ROBO1: variants seen among roughly 807,000 people sequenced by gnomAD.
The protein encoded by ROBO1 is roundabout homolog 1.
Under a neutral mutation model 195.9 loss-of-function variants are expected in ROBO1, and 149 were observed. That is an observed-to-expected ratio of 0.76 (90% CI 0.67 to 0.87). The LOEUF (loss-of-function observed/expected upper bound fraction) is 0.87, where lower values mean the gene tolerates loss of function less well. Ranked by LOEUF, ROBO1 falls within the 40% of genes least tolerant of loss-of-function variation. The pLI is 0.00. For missense variants in ROBO1, 1,933 were observed against 2,068.3 expected (o/e 0.93, Z 1.27); for synonymous variants, 816 against 733.2 (o/e 1.11, Z -1.82).
intron 29 of ROBO1, 72 bp from the exon 30 acceptor site, chr3:78,600,381 T>G: frequency 2.1e-6 from 2 of 968,490 alleles, no homozygotes; most frequent in Non-Finnish European, 3.2e-6. Flanking sequence ...ATCACTCCTG[T>G]CTATCTGTAA....
intron 2 of ROBO1, among the ~76,000 whole-genome samples, chr3:79,579,945 T>G (rs760540474): frequency 6.6e-6 from 1 of 152,112 alleles, no homozygotes; most frequent in Non-Finnish European, 1.5e-5. Context: ...GTATTAGTGA[T>G]GCTATGCTTG....
intron 3 of ROBO1, among the ~76,000 whole-genome samples, chr3:79,043,672 C>T (rs2078531168): frequency 6.6e-6 from 1 of 152,016 alleles, no homozygotes; most frequent in African/African-American, 2.4e-5. Flanking sequence ...TATATTTCCA[C>T]ATCATTATGC....
chr3:78,643,938 C>T (rs931712081), intron 21 of ROBO1, among the ~76,000 whole-genome samples: 1 of 151,900 alleles, frequency 6.6e-6, no homozygotes, highest in African/African-American at 2.4e-5. Context: ...TACAGGAGGT[C>T]CAAGAGGATG....
chr3:78,685,022 T>C (rs1448876395), intron 10 of ROBO1, among the ~76,000 whole-genome samples: 3 of 152,144 alleles, frequency 2.0e-5, no homozygotes, highest in Admixed American at 1.3e-4. Context: ...CTTGCCACTG[T>C]CATGGCTTTG....
At chr3:79,535,078 T>C (rs1386142456) in intron 2 of ROBO1, among the ~76,000 whole-genome samples, 1 of 152,110 alleles carries the variant, frequency 6.6e-6, no homozygotes, top group African/African-American at 2.4e-5. Flanking sequence ...ATGCCTTATT[T>C]TTTTTTAGTT....
chr3:79,751,580 A>T (rs1292802842), intron 1 of ROBO1, among the ~76,000 whole-genome samples: 1 of 152,176 alleles, frequency 6.6e-6, no homozygotes, highest in African/African-American at 2.4e-5. Flanking sequence ...ATGTTTGTAT[A>T]TGGACTACTA....
intron 2 of ROBO1, among the ~76,000 whole-genome samples, chr3:79,284,831 A>G (rs2031783124): frequency 6.6e-6 from 1 of 152,172 alleles, no homozygotes; most frequent in Admixed American, 6.6e-5. Flanking sequence ...TTAATTCATA[A>G]ATCTTTACTT....
At chr3:79,124,457 T>C (rs1004914490) in intron 3 of ROBO1, among the ~76,000 whole-genome samples, 1 of 152,156 alleles carries the variant, frequency 6.6e-6, no homozygotes, top group Admixed American at 6.5e-5. Context: ...ATCAAGTCTA[T>C]TATTTTATCT....
chr3:79,456,585 T>A (rs986751202), intron 2 of ROBO1, among the ~76,000 whole-genome samples: 29 of 152,128 alleles, frequency 1.9e-4, no homozygotes, highest in African/African-American at 6.5e-4. Flanking sequence ...AGTACAGTGA[T>A]TACAAAAAAT....
intron 3 of ROBO1, among the ~76,000 whole-genome samples, chr3:79,008,720 C>T (rs2077688378): frequency 6.7e-6 from 1 of 150,046 alleles, no homozygotes; most frequent in Non-Finnish European, 1.5e-5. Flanking sequence ...TCCCAAGTAG[C>T]TGAGACTAAA....
chr3:79,206,113 C>G (rs1326034256), intron 2 of ROBO1, among the ~76,000 whole-genome samples: 1 of 152,148 alleles, frequency 6.6e-6, no homozygotes, highest in African/African-American at 2.4e-5. Context: ...ATGATGAGAT[C>G]TCATGCTGTC....
chr3:79,631,416 G>GA (rs760914622), intron 1 of ROBO1, among the ~76,000 whole-genome samples: 2 of 151,904 alleles, frequency 1.3e-5, no homozygotes, highest in Non-Finnish European at 2.9e-5. Flanking sequence ...ATTGTGCTGA[G>GA]AAAATTGGAT....
chr3:79,391,301 C>A (rs930762609), intron 2 of ROBO1, among the ~76,000 whole-genome samples: 2 of 151,862 alleles, frequency 1.3e-5, no homozygotes, highest in East Asian at 3.9e-4. Context: ...TCAAATAAAA[C>A]AAAAAACAAA....
intron 2 of ROBO1, among the ~76,000 whole-genome samples, chr3:79,191,126 A>T (rs1488337048): frequency 6.6e-6 from 1 of 151,566 alleles, no homozygotes; most frequent in Non-Finnish European, 1.5e-5. Flanking sequence ...TTTGAGTGTG[A>T]GGGGCAAGTC....
At chr3:79,484,755 C>CTTTTTGTTTTTTTTTTTTTTTTTTTTTT (rs1939062487) in intron 2 of ROBO1, among the ~76,000 whole-genome samples, 1 of 66,884 alleles carries the variant, frequency 1.5e-5, no homozygotes, top group East Asian at 4.6e-4. Flanking sequence ...ATTGCACTAT[C>CTTTTTGTTTTTTTTTTTTTTTTTTTTTT]TTTTTTTTTT....
At chr3:79,608,773 C>T (rs890365004) in intron 1 of ROBO1, among the ~76,000 whole-genome samples, 1 of 151,904 alleles carries the variant, frequency 6.6e-6, no homozygotes, top group Non-Finnish European at 1.5e-5. Context: ...AAGTGTTTGA[C>T]TTCTTCCCTA....
intron 1 of ROBO1, among the ~76,000 whole-genome samples, chr3:79,638,176 T>A (rs1357571368): frequency 6.6e-6 from 1 of 152,178 alleles, no homozygotes. Context: ...AGAGGATTAG[T>A]GATACTTAGC....
intron 4 of ROBO1, among the ~76,000 whole-genome samples, chr3:78,852,198 T>C (rs150083811): frequency 1.4e-3 from 206 of 152,224 alleles, no homozygotes; most frequent in African/African-American, 4.9e-3. Context: ...TTTAGGATTA[T>C]AGGATATTTA....
chr3:79,624,533 A>G (rs1192673896), intron 1 of ROBO1, among the ~76,000 whole-genome samples: 1 of 152,176 alleles, frequency 6.6e-6, no homozygotes, highest in Non-Finnish European at 1.5e-5. Flanking sequence ...AAGGAAAAAA[A>G]GCAGGGATTA....
Sources: allele counts gnomAD v4.1 joint callset (sites outside exome capture counted in the v4.1 genomes callset), GRCh38; gene constraint gnomAD v4.1.1; transcripts MANE v1.5; gene names NCBI Gene and HGNC (gene_info 2026-07-23, HGNC 2026-07-21).